HSF5: variants seen among roughly 807,000 people sequenced by gnomAD.
HSF5 encodes heat shock factor protein 5.
HSF5 carries 5 observed loss-of-function variants against 50.8 expected under a neutral mutation model. The observed-to-expected ratio is 0.10, with a 90% confidence interval of 0.05 to 0.21. The LOEUF (loss-of-function observed/expected upper bound fraction) is 0.21, where lower values mean the gene tolerates loss of function less well. Ranked by LOEUF, HSF5 falls within the 10% of genes least tolerant of loss-of-function variation. HSF5 has a pLI of 1.00. For synonymous variants in HSF5, 307 were observed against 307.4 expected (o/e 1.00, Z 0.02); for missense variants, 564 against 762.6 (o/e 0.74, Z 3.07).
intron 5 of HSF5, among the ~76,000 whole-genome samples, chr17:58,452,625 C>T (rs1343527062): frequency 1.3e-5 from 2 of 152,194 alleles, no homozygotes; most frequent in Non-Finnish European, 2.9e-5. Context: ...GCCTAGGCAA[C>T]ATAGCAAGAC....
In HSF5 at chr17:58,462,992, A is replaced by C. The variant is rs777142028; in HGVS notation, c.1332T>G (p.Val444=). ...AGCAGGCAACTGCTTGTTCTGTTCC[A>C]ACCACAAAAGACATAATATCTGAGC... ...PVGSDIMSFV[V]GTEQAVACSL... Residue 444 remains valine, a synonymous_variant, in exon 4 of 6, where the codon GTT becomes GTG. Transcript: ENST00000323777. 6 of 1,614,250 alleles carry C rather than the reference A, an allele frequency of 3.7e-6. No individual in the cohort carries two copies. The South Asian group carries it at 5.5e-5, about 15-fold the overall frequency.
At chr17:58,475,355 G>A (rs550913719) in intron 2 of HSF5, among the ~76,000 whole-genome samples, 1 of 152,230 alleles carries the variant, frequency 6.6e-6, no homozygotes, top group South Asian at 2.1e-4. Context: ...CTTTAAAACT[G>A]AGCATCATCT....
intron 5 of HSF5, among the ~76,000 whole-genome samples, chr17:58,427,021 G>A (rs761661772): frequency 7.2e-5 from 11 of 152,150 alleles, no homozygotes; most frequent in Non-Finnish European, 1.2e-4. Flanking sequence ...GGAGGCTGAG[G>A]AGGGTAGATC....
At chr17:58,450,085 T>C (rs1974615648) in intron 5 of HSF5, among the ~76,000 whole-genome samples, 6 of 146,240 alleles carry the variant, frequency 4.1e-5, no homozygotes, top group Admixed American at 3.4e-4. Context: ...CCTGTAATCC[T>C]AGCACTGTGG....
In HSF5 at chr17:58,466,979, G is replaced by T; in HGVS notation, c.926C>A (p.Ala309Asp). The T allele has an allele frequency of 6.2e-7, 1 of 1,600,582 alleles. No individual in the cohort carries two copies. The highest frequency in any genetic ancestry group is 8.6e-7 in the Non-Finnish European group (1 of 1,168,004). Residue 309 changes from alanine to aspartate, a missense_variant and splice_region_variant, in exon 3 of 6, where the codon GCT becomes GAT. By Grantham distance (126) the Ala-to-Asp change is moderately radical. Coordinates refer to ENST00000323777, the MANE Select transcript of HSF5 (RefSeq NM_001080439.3). ...GGTAGGAGAACAGCACTGTAGCACA[G>T]CTGGAACAAATTCAAACACAGAAAA... ...AQYSQAYYPT[A>D]VLQCCSPTHM...
intron 2 of HSF5, among the ~76,000 whole-genome samples, chr17:58,478,981 A>T (rs1975063635): frequency 6.6e-6 from 1 of 151,240 alleles, no homozygotes; most frequent in South Asian, 2.1e-4. Flanking sequence ...GTGGCTTGGG[A>T]TCTACCAGCG....
chr17:58,446,011 G>A (rs1269793148), intron 5 of HSF5, among the ~76,000 whole-genome samples: 2 of 151,702 alleles, frequency 1.3e-5, no homozygotes, highest in Admixed American at 6.6e-5. Context: ...GGTGGCAGGC[G>A]CCTGTAATAC....
At chr17:58,436,447 A>T (rs1397629333) in intron 5 of HSF5, among the ~76,000 whole-genome samples, 2 of 151,876 alleles carry the variant, frequency 1.3e-5, no homozygotes, top group Non-Finnish European at 2.9e-5. Context: ...TGATGCCAAG[A>T]TTTCACAACT....
chr17:58,425,839 T>C lies in HSF5; in HGVS notation c.1721-3409A>G, dbSNP rs186299447. On this transcript the variant is annotated intron_variant, in intron 5 of 5. Transcript: ENST00000323777. ...GAGTAAAGCCAATGGTTTCCAAACC[T>C]TGCTGCATATTGGAATCACCTGGGA... Among the ~76,000 whole-genome samples the C allele has an allele frequency of 1.6e-4, 25 of 152,296 alleles. No individual in the cohort carries two copies. The East Asian group carries it at 4.6e-3, about 28-fold the overall frequency.
At chr17:58,440,021 G>C (rs374090853) in intron 5 of HSF5, among the ~76,000 whole-genome samples, 1 of 151,806 alleles carries the variant, frequency 6.6e-6, no homozygotes. Flanking sequence ...GTAATGTCAG[G>C]CCTGATAATT....
At chr17:58,476,329 A>G (rs1321072136) in intron 2 of HSF5, 4 of 1,103,694 alleles carry the variant, frequency 3.6e-6, no homozygotes, top group Non-Finnish European at 5.5e-6. Flanking sequence ...ATCTTTGATG[A>G]CCTCTCCTAA....
At chr17:58,437,382 T>G (rs1018039018) in intron 5 of HSF5, among the ~76,000 whole-genome samples, 2 of 152,238 alleles carry the variant, frequency 1.3e-5, no homozygotes, top group Non-Finnish European at 2.9e-5. Flanking sequence ...GGCTTTTATA[T>G]TCCTGCTATA....
Position 58,480,204 on chromosome 17 carries a change from C to T in HSF5, c.614G>A (p.Cys205Tyr), listed in dbSNP as rs960126698. ...GTGGTCGTGGGATGGAGTTGATACA[C>T]AGGAGTAAGGAGACAAACTATCTCG... ...FRRDSLSPYS[C>Y]VSTPSHDHST... Residue 205 changes from cysteine to tyrosine, a missense_variant, in exon 2 of 6, where the codon TGT becomes TAT. Around this residue, in one of 5 missense-constraint regions of HSF5, gnomAD observed 441 missense variants for 533.6 expected, o/e 0.83. Coordinates refer to ENST00000323777, the MANE Select transcript of HSF5 (RefSeq NM_001080439.3). 2 of 1,613,992 alleles carry T rather than the reference C, an allele frequency of 1.2e-6. No homozygotes were observed. The highest frequency in any genetic ancestry group is 1.7e-6 in the Non-Finnish European group (2 of 1,179,992).
intron 1 of HSF5, among the ~76,000 whole-genome samples, chr17:58,484,945 ATTTTTTT>A (rs143908081): frequency 3.1e-5 from 2 of 65,136 alleles, no homozygotes; most frequent in African/African-American, 6.6e-5. Context: ...AATAACCCAG[ATTTTTTT>A]TTTTTTTTTT....
Position 58,463,313 on chromosome 17 carries a change from G to A in HSF5, c.1021-10C>T. 1 of 1,596,918 alleles carries A rather than the reference G, an allele frequency of 6.3e-7. No homozygotes were observed. Among genetic ancestry groups the A allele is most frequent in the Admixed American group, 1.7e-5 (1 of 57,150 alleles). On this transcript the variant is annotated splice_polypyrimidine_tract_variant and intron_variant, in intron 3 of 5. Transcript: ENST00000323777. ...ACTGCATTGAAGGATTCTGGGAAAA[G>A]AAAAAATATAACTGTTTGGATAGAA...
At chr17:58,477,840 T>G (rs1975038422) in intron 2 of HSF5, among the ~76,000 whole-genome samples, 1 of 151,956 alleles carries the variant, frequency 6.6e-6, no homozygotes, top group Non-Finnish European at 1.5e-5. Context: ...TAAAAAAATA[T>G]TTTAGCTTTC....
chr17:58,453,353 G>T (rs552823030), intron 5 of HSF5, among the ~76,000 whole-genome samples: 20 of 152,282 alleles, frequency 1.3e-4, no homozygotes, highest in Admixed American at 3.3e-4. Context: ...CAACACTTTG[G>T]GGGGCTAAGG....
At chr17:58,441,399 T>C (rs976513675) in intron 5 of HSF5, among the ~76,000 whole-genome samples, 2 of 152,138 alleles carry the variant, frequency 1.3e-5, no homozygotes, top group Non-Finnish European at 1.5e-5. Flanking sequence ...TAGTTTTAAA[T>C]GTTAATCTTA....
chr17:58,484,131 G>C (rs1383700628), intron 1 of HSF5, among the ~76,000 whole-genome samples: 2 of 151,066 alleles, frequency 1.3e-5, no homozygotes, highest in Admixed American at 1.3e-4. Context: ...CAATTCCCTA[G>C]TGAACCAAAC....
Sources: allele counts gnomAD v4.1 joint callset (sites outside exome capture counted in the v4.1 genomes callset), GRCh38; gene constraint gnomAD v4.1.1; regional missense constraint gnomAD v4.1.1; transcripts MANE v1.5; gene names NCBI Gene and HGNC (gene_info 2026-07-23, HGNC 2026-07-21).